The following DLG2 variants were observed in gnomAD, a reference collection of about 807,000 sequenced individuals.
The protein encoded by DLG2 is discs large MAGUK scaffold protein 2.
In DLG2, 45 loss-of-function variants were observed where a neutral mutation model predicts 132.5. That is an observed-to-expected ratio of 0.34 (90% CI 0.27 to 0.44). The LOEUF (loss-of-function observed/expected upper bound fraction) is 0.44, where lower values mean the gene tolerates loss of function less well. DLG2 is among the 20% of genes least tolerant of loss of function. DLG2 has a pLI of 1.00. For missense variants in DLG2, 1,045 were observed against 1,196.9 expected (o/e 0.87, Z 1.87); for synonymous variants, 424 against 419.6 (o/e 1.01, Z -0.13).
At chr11:85,346,826 C>A (rs1400208491) in intron 3 of DLG2, among the ~76,000 whole-genome samples, 1 of 152,006 alleles carries the variant, frequency 6.6e-6, no homozygotes, top group Admixed American at 6.5e-5. Context: ...GTGAGGCATC[C>A]ATTCCCTTAA....
chr11:84,458,314 T>G (rs1302819280), intron 7 of DLG2, among the ~76,000 whole-genome samples: 1 of 150,832 alleles, frequency 6.6e-6, no homozygotes, highest in East Asian at 1.9e-4. Context: ...GTAAAAATAT[T>G]TTTGAGACTT....
chr11:85,600,049 G>T (rs943043135), intron 2 of DLG2, among the ~76,000 whole-genome samples: 2 of 151,634 alleles, frequency 1.3e-5, no homozygotes, highest in African/African-American at 4.8e-5. Context: ...CTTCCTCATG[G>T]CCATTCTCAG....
rs191225436 is a variant in DLG2, at chr11:84,154,155, G to T, written c.624+9306C>A. Among the ~76,000 whole-genome samples the T allele has an allele frequency of 7.9e-5, 12 of 152,112 alleles. 1 individual carries two copies. The highest frequency in any genetic ancestry group is 7.9e-4 in the Admixed American group (12 of 15,268). Reference sequence around the variant, plus strand: ...TGGGACTACAGGCACACGCCAACATGCCCAGCTAATTTTTGTATTTTTAAT... The same window carrying T: ...TGGGACTACAGGCACACGCCAACATTCCCAGCTAATTTTTGTATTTTTAAT... On this transcript the variant is annotated intron_variant, in intron 9 of 27. Coordinates refer to ENST00000376104, the MANE Select transcript of DLG2 (RefSeq NM_001142699.3).
At chr11:84,795,013 C>CA (rs1296507133) in intron 6 of DLG2, among the ~76,000 whole-genome samples, 2 of 152,222 alleles carry the variant, frequency 1.3e-5, no homozygotes, top group African/African-American at 4.8e-5. Context: ...GCCCTACCAT[C>CA]AGGCCTGGGA....
chr11:85,022,108 T>C (rs974444034), intron 6 of DLG2, among the ~76,000 whole-genome samples: 6 of 151,992 alleles, frequency 3.9e-5, no homozygotes, highest in Non-Finnish European at 8.8e-5. Flanking sequence ...TATATTATAT[T>C]TATGGGACAC....
At chr11:85,508,975 C>T (rs1277144957) in intron 3 of DLG2, among the ~76,000 whole-genome samples, 1 of 152,016 alleles carries the variant, frequency 6.6e-6, no homozygotes, top group African/African-American at 2.4e-5. Flanking sequence ...TAGTTTATTT[C>T]AGTCTTTAAT....
intron 7 of DLG2, among the ~76,000 whole-genome samples, chr11:84,387,770 G>T (rs1476054003): frequency 1.3e-5 from 2 of 152,088 alleles, no homozygotes; most frequent in Non-Finnish European, 2.9e-5. Flanking sequence ...ATCTTTTCAG[G>T]TTTACTCAGA....
chr11:84,397,559 T>G (rs1258332541), intron 7 of DLG2, among the ~76,000 whole-genome samples: 1 of 152,218 alleles, frequency 6.6e-6, no homozygotes, highest in Non-Finnish European at 1.5e-5. Flanking sequence ...TCTCTATTTT[T>G]TGGCAATCTT....
At chr11:85,072,211 T>C (rs1375511467) in intron 6 of DLG2, among the ~76,000 whole-genome samples, 1 of 151,882 alleles carries the variant, frequency 6.6e-6, no homozygotes, top group Non-Finnish European at 1.5e-5. Context: ...CCCTTGTGCC[T>C]AAGGCAGTCC....
At chr11:83,831,002 GA>G (rs2054336740) in intron 17 of DLG2, among the ~76,000 whole-genome samples, 1 of 152,178 alleles carries the variant, frequency 6.6e-6, no homozygotes, top group Non-Finnish European at 1.5e-5. Flanking sequence ...TAGAATTTTA[GA>G]ATCAATCTTC....
chr11:84,853,256 T>C (rs1379759264), intron 6 of DLG2, among the ~76,000 whole-genome samples: 2 of 151,982 alleles, frequency 1.3e-5, no homozygotes, highest in Non-Finnish European at 2.9e-5. Flanking sequence ...AAAGACACTA[T>C]TGCCATTTTG....
intron 3 of DLG2, among the ~76,000 whole-genome samples, chr11:85,358,083 C>A (rs577244944): frequency 1.3e-5 from 2 of 150,738 alleles, no homozygotes; most frequent in African/African-American, 4.9e-5. Context: ...TGGAAAATCG[C>A]CTGAAAAACA....
At chr11:84,431,594 A>G (rs980258198) in intron 7 of DLG2, among the ~76,000 whole-genome samples, 4 of 152,144 alleles carry the variant, frequency 2.6e-5, no homozygotes, top group Non-Finnish European at 5.9e-5. Context: ...TAGGACACAT[A>G]ATATTTGTTG....
At chr11:85,038,667 T>C (rs923758419) in intron 6 of DLG2, among the ~76,000 whole-genome samples, 6 of 152,126 alleles carry the variant, frequency 3.9e-5, no homozygotes, top group Admixed American at 6.6e-5. Context: ...AATAGTTTTC[T>C]AATACATCAA....
At chr11:84,959,853 G>C (rs1054943941) in intron 6 of DLG2, among the ~76,000 whole-genome samples, 12 of 151,890 alleles carry the variant, frequency 7.9e-5, no homozygotes, top group Non-Finnish European at 1.2e-4. Flanking sequence ...GAGAACTACA[G>C]GACAAAAGAA....
chr11:84,818,699 CTA>C (rs1479960285), intron 6 of DLG2, among the ~76,000 whole-genome samples: 3 of 151,856 alleles, frequency 2.0e-5, no homozygotes, highest in Admixed American at 6.6e-5. Context: ...AAAATTAGGT[CTA>C]TCTCTAGAGA....
intron 18 of DLG2, among the ~76,000 whole-genome samples, chr11:83,676,376 C>T (rs1422402255): frequency 1.3e-5 from 2 of 152,146 alleles, no homozygotes; most frequent in Non-Finnish European, 2.9e-5. Flanking sequence ...GATCAGATCT[C>T]TTGAAGCTAG....
At chr11:84,275,531 A>AT (rs2097776065) in intron 7 of DLG2, among the ~76,000 whole-genome samples, 1 of 152,150 alleles carries the variant, frequency 6.6e-6, no homozygotes, top group Non-Finnish European at 1.5e-5. Context: ...ATTGTTTTGT[A>AT]TTTTTAGTAG....
chr11:83,763,111 T>C (rs773894214), intron 18 of DLG2, among the ~76,000 whole-genome samples: 9 of 152,326 alleles, frequency 5.9e-5, no homozygotes, highest in Non-Finnish European at 1.2e-4. Context: ...TTCTCCCCTA[T>C]GGTGCATTAC....
Sources: allele counts gnomAD v4.1 joint callset (sites outside exome capture counted in the v4.1 genomes callset), GRCh38; gene constraint gnomAD v4.1.1; transcripts MANE v1.5; gene names NCBI Gene and HGNC (gene_info 2026-07-23, HGNC 2026-07-21).